CTNNA3: variants seen among roughly 807,000 people sequenced by gnomAD.
CTNNA3 encodes catenin alpha 3, also known as catenin alpha-3.
Under a neutral mutation model 95.7 loss-of-function variants are expected in CTNNA3, and 76 were observed. The observed-to-expected ratio is 0.79, with a 90% confidence interval of 0.66 to 0.96. The LOEUF (loss-of-function observed/expected upper bound fraction) is 0.96. Among genes scored for constraint, CTNNA3 ranks in the 40% least tolerant of loss-of-function variants. The pLI, the probability that CTNNA3 is intolerant of heterozygous loss-of-function variation, is 0.00. For synonymous variants in CTNNA3, 431 were observed against 374.4 expected (o/e 1.15, Z -1.74); for missense variants, 1,191 against 1,089.8 (o/e 1.09, Z -1.31).
At chr10:66,568,494 T>G in intron 10 of CTNNA3, among the ~76,000 whole-genome samples, 1 of 152,100 alleles carries the variant, frequency 6.6e-6, no homozygotes, top group East Asian at 1.9e-4. Flanking sequence ...TCACTCCCCC[T>G]TCTGGAAATG....
rs149914078 is a variant in CTNNA3, at chr10:66,266,986, ATTGT to A, written c.1884+13480_1884+13483del. Among the ~76,000 whole-genome samples the A allele has an allele frequency of 7.4e-4, 112 of 151,908 alleles. 1 individual carries two copies. The highest frequency in any genetic ancestry group is 2.6e-3 in the African/African-American group (106 of 41,454). ...TTTAGTAGTAAATATATTGTAAGAG[ATTGT>A]TTGTCATCTATTCGATAATTTCTTA... On this transcript the variant is annotated intron_variant, in intron 13 of 17. Transcript: ENST00000433211.
At chr10:66,845,568 T>C (rs1843214958) in intron 7 of CTNNA3, among the ~76,000 whole-genome samples, 1 of 151,234 alleles carries the variant, frequency 6.6e-6, no homozygotes, top group South Asian at 2.1e-4. Context: ...CCTGGCGTGG[T>C]GACAGGCGCC....
At position 67,133,173 on chromosome 10, in the gene CTNNA3, A is replaced by G. The variant is rs1211074118; in HGVS notation, c.1047+47144T>C. ...CATTTTATGAATGTAGCAAAAACTC[A>G]TATGTACTCCGTAAATAGGTGAAAC... On this transcript the variant is annotated intron_variant, in intron 7 of 17. Transcript: ENST00000433211. 2.0e-5 allele frequency among the ~76,000 whole-genome samples: 3 copies of G among 151,370 alleles called. No homozygotes were observed. In the East Asian group the frequency reaches 5.8e-4, roughly 29 times the overall value.
At chr10:66,668,422 A>ATATGTGTGTGTGTGTG (rs1554832734) in intron 9 of CTNNA3, among the ~76,000 whole-genome samples, 30 of 146,988 alleles carry the variant, frequency 2.0e-4, no homozygotes, top group African/African-American at 6.3e-4. Flanking sequence ...CAACTCTCAT[A>ATATGTGTGTGTGTGTG]TGTGTGTGTG....
intron 5 of CTNNA3, among the ~76,000 whole-genome samples, chr10:67,365,135 T>C (rs1843157084): frequency 6.6e-6 from 1 of 152,216 alleles, no homozygotes; most frequent in Non-Finnish European, 1.5e-5. Context: ...AAGGATTTCC[T>C]ATTTAATAAA....
chr10:67,308,459 G>T (rs1017046963), intron 5 of CTNNA3, among the ~76,000 whole-genome samples: 1 of 152,136 alleles, frequency 6.6e-6, no homozygotes, highest in Non-Finnish European at 1.5e-5. Context: ...TGCCATGATT[G>T]TAAGACTTCC....
chr10:67,553,648 T>C (rs1302382445), intron 3 of CTNNA3, among the ~76,000 whole-genome samples: 2 of 152,104 alleles, frequency 1.3e-5, no homozygotes, highest in African/African-American at 4.8e-5. Flanking sequence ...ACTTACACAA[T>C]GGATGGAAGA....
intron 5 of CTNNA3, among the ~76,000 whole-genome samples, chr10:67,325,494 A>T (rs1841503208): frequency 6.6e-6 from 1 of 152,208 alleles, no homozygotes; most frequent in African/African-American, 2.4e-5. Flanking sequence ...CTGTTTACTC[A>T]AAAGTCATTT....
intron 7 of CTNNA3, among the ~76,000 whole-genome samples, chr10:67,070,493 A>C (rs1856380833): frequency 6.6e-6 from 1 of 152,086 alleles, no homozygotes. Context: ...TCGTGCCTGT[A>C]ATCTCAGCAC....
At chr10:66,153,162 C>G (rs2084295028) in intron 13 of CTNNA3, among the ~76,000 whole-genome samples, 1 of 151,692 alleles carries the variant, frequency 6.6e-6, no homozygotes, top group African/African-American at 2.4e-5. Flanking sequence ...TTATAATTTG[C>G]ATTCAGTTCT....
At chr10:66,124,020 C>T (rs1264749631) in intron 13 of CTNNA3, among the ~76,000 whole-genome samples, 4 of 152,054 alleles carry the variant, frequency 2.6e-5, no homozygotes, top group African/African-American at 4.8e-5. Flanking sequence ...TTTGGCTCCT[C>T]ATTACTTACG....
intron 5 of CTNNA3, among the ~76,000 whole-genome samples, chr10:67,310,004 C>T (rs951217556): frequency 3.9e-5 from 6 of 152,050 alleles, no homozygotes; most frequent in South Asian, 2.1e-4. Context: ...GAGGAACTTA[C>T]GTGAAGTGTC....
At chr10:66,307,884 C>T (rs901943925) in intron 12 of CTNNA3, among the ~76,000 whole-genome samples, 1 of 152,132 alleles carries the variant, frequency 6.6e-6, no homozygotes. Flanking sequence ...CCAAGAAATG[C>T]AGGCTGCTGC....
At chr10:67,572,452 C>T (rs1330884933) in intron 3 of CTNNA3, among the ~76,000 whole-genome samples, 1 of 152,096 alleles carries the variant, frequency 6.6e-6, no homozygotes. Flanking sequence ...AGCATAACTT[C>T]CAGGCCTAAT....
At chr10:67,714,020 A>G (rs1462641729) in intron 1 of CTNNA3, among the ~76,000 whole-genome samples, 3 of 151,860 alleles carry the variant, frequency 2.0e-5, no homozygotes, top group African/African-American at 7.3e-5. Context: ...GGAAATGCCT[A>G]GATGTCCACC....
At chr10:66,806,155 A>G (rs914667871) in intron 7 of CTNNA3, among the ~76,000 whole-genome samples, 11 of 152,190 alleles carry the variant, frequency 7.2e-5, no homozygotes, top group African/African-American at 2.6e-4. Context: ...ATAAAGAAGC[A>G]AAAGAGAGAA....
chr10:66,128,416 A>G (rs1394410582), intron 13 of CTNNA3, among the ~76,000 whole-genome samples: 2 of 152,226 alleles, frequency 1.3e-5, no homozygotes, highest in African/African-American at 2.4e-5. Context: ...AGGTGAATAA[A>G]TAGATATACT....
Position 67,398,814 on chromosome 10 carries a change from A to C in CTNNA3, c.579+123028T>G, listed in dbSNP as rs1278434158. ...TCTCATGAGATCTGATGGTTTTATA[A>C]GGGGCTTTTCCCCCTTTTGCTTGGC... On this transcript the variant is annotated intron_variant, in intron 5 of 17. Transcript: ENST00000433211. Among the ~76,000 whole-genome samples, 3 of 152,184 alleles carry C rather than the reference A, an allele frequency of 2.0e-5. No homozygotes were observed. In the East Asian group the frequency reaches 5.8e-4, roughly 29 times the overall value.
rs536504113 is a variant in CTNNA3 at position 67,740,914 on chromosome 10, G to A, written c.-2+22520C>T. The stretch of plus-strand genomic sequence containing the variant: ...GCAAAGACTTGGAACCAACCCAAAT[G>A]TCCAACAATGATAGACTGGATTAAG... On this transcript the variant is annotated intron_variant, in intron 1 of 17. Transcript: ENST00000684154. 2.6e-4 allele frequency among the ~76,000 whole-genome samples: 40 copies of A among 151,428 alleles called. 1 individual carries two copies. Among genetic ancestry groups the A allele is most frequent in the African/African-American group, 9.4e-4 (39 of 41,374 alleles).
Sources: allele counts gnomAD v4.1 joint callset (sites outside exome capture counted in the v4.1 genomes callset), GRCh38; gene constraint gnomAD v4.1.1; transcripts MANE v1.5; gene names NCBI Gene and HGNC (gene_info 2026-07-23, HGNC 2026-07-21).